The following SH3D21 variants were observed in gnomAD, a reference collection of about 807,000 sequenced individuals.
SH3D21 encodes the protein SH3 domain-containing protein 21.
In SH3D21, 83 loss-of-function variants were observed where a neutral mutation model predicts 82.1. That is an observed-to-expected ratio of 1.01 (90% CI 0.85 to 1.21). The LOEUF (loss-of-function observed/expected upper bound fraction) is 1.21. Among genes scored for constraint, SH3D21 ranks in the 50% most tolerant of loss-of-function variants. The pLI, the probability that SH3D21 is intolerant of heterozygous loss-of-function variation, is 0.00. For synonymous variants in SH3D21, 383 were observed against 387.8 expected (o/e 0.99, Z 0.15); for missense variants, 980 against 962.1 (o/e 1.02, Z -0.25).
intron 12 of SH3D21, 28 bp from the exon 13 acceptor site, chr1:36,319,414 T>C: frequency 6.4e-7 from 1 of 1,551,308 alleles, no homozygotes; most frequent in South Asian, 1.2e-5. Context: ...CAGAGTAGGC[T>C]TGGGTCCCTG....
downstream of SH3D21, chr1:36,322,950 T>C: frequency 6.2e-7 from 1 of 1,606,614 alleles, no homozygotes; most frequent in Non-Finnish European, 8.5e-7. Context: ...AGGCCCCCAG[T>C]CTTCCGGCGC....
At position 36,315,046 on chromosome 1, in the gene SH3D21, G is replaced by T. The variant is rs144531520; in HGVS notation, c.770-4025G>T. On this transcript the variant is annotated intron_variant, in intron 10 of 15. Transcript: ENST00000453908. ...TCCCAGCACTTTGGGAGGCTGAGGCGGGCAGATTGCTTGAGGTCAGGAGTT... is the reference window on the plus strand; with the variant it reads ...TCCCAGCACTTTGGGAGGCTGAGGCTGGCAGATTGCTTGAGGTCAGGAGTT... Among the ~76,000 whole-genome samples, 868 of 152,076 alleles carry T rather than the reference G, an allele frequency of 5.7e-3. 10 individuals carry two copies. The highest frequency in any genetic ancestry group is 0.02 in the African/African-American group (823 of 41,488).
downstream of SH3D21, chr1:36,327,844 C>T: frequency 7.8e-7 from 1 of 1,289,352 alleles, no homozygotes; most frequent in African/African-American, 1.5e-5. Flanking sequence ...ATGTGGCTGT[C>T]CCCATGGTCC....
At chr1:36,327,733 C>T, downstream of SH3D21, 1 of 1,223,802 alleles carries the variant, frequency 8.2e-7, no homozygotes, top group African/African-American at 1.6e-5. Flanking sequence ...CTTGCCGTGG[C>T]CAAGCCAGGC....
rs1434797931 is a variant in SH3D21 at position 36,307,956 on chromosome 1, G to A, written c.531G>A (p.Leu177=). The change falls in exon 7 of 16, where the codon CTG becomes CTA. Residue 177 remains leucine, a synonymous_variant. Coordinates refer to ENST00000453908, the MANE Select transcript of SH3D21 (RefSeq NM_001162530.2). This position sits in a 1 kb window ranked among gnomAD's most constrained non-coding sequence, Gnocchi z 5.4. The part of the protein sequence containing the change: ...SLAYDSPPDY[L]QTVSHPEVYR... ...CCTATGACAGCCCTCCAGACTACCT[G>A]CAGACAGGTGAGCACCCATCCAAAG... 2 of 1,551,692 alleles carry A rather than the reference G, an allele frequency of 1.3e-6. No individual in the cohort carries two copies. Among genetic ancestry groups the A allele is most frequent in the African/African-American group, 1.4e-5 (1 of 73,158 alleles).
chr1:36,319,747 C>G lies in SH3D21; in HGVS notation c.1084C>G (p.Pro362Ala). The G allele has an allele frequency of 6.2e-7, 1 of 1,602,898 alleles. No homozygotes were observed. The highest frequency in any genetic ancestry group is 8.5e-7 in the Non-Finnish European group (1 of 1,175,622). Residue 362 changes from proline (P) to alanine (A), a missense_variant, in exon 14 of 16, where the codon CCA (proline) becomes GCA (alanine). Physicochemically the swap from Pro to Ala is conservative, Grantham distance 27. Coordinates refer to ENST00000453908, the MANE Select transcript of SH3D21 (RefSeq NM_001162530.2). ...CCCCATGCCGGACAAGACTGCCACC[C>G]CAGAGAGGCCCCCAGCTCCAGAGAA... Reference protein sequence around the residue: ...RTPMPDKTATPERPPAPENAP... With the variant: ...RTPMPDKTATAERPPAPENAP...
downstream of SH3D21, chr1:36,323,068 C>T: frequency 6.3e-7 from 1 of 1,593,774 alleles, no homozygotes; most frequent in South Asian, 1.1e-5. Context: ...CCCTACCAGC[C>T]TGCGAGGTCA....
chr1:36,323,104 T>A, downstream of SH3D21: 2 of 1,541,760 alleles, frequency 1.3e-6, no homozygotes, highest in Admixed American at 4.2e-5. Flanking sequence ...TCTCCCAGCC[T>A]GGAGCCCACC....
rs187887959 is a variant in SH3D21, at chr1:36,307,111, C to T, written c.227-56C>T. ...CTACGTGCGCGCCTTGCGCTTCCCC[C>T]AGCTCCTCTGACTGGGGCGTCCGAC... On this transcript the variant is annotated intron_variant, in intron 3 of 15. Transcript: ENST00000453908. The surrounding 1 kb of genome is among the most constrained non-coding windows in gnomAD (Gnocchi z 5.4). The T allele has an allele frequency of 8.4e-6, 13 of 1,546,754 alleles. No homozygotes were observed. In the African/African-American group the frequency reaches 1.2e-4, roughly 15 times the overall value.
rs139491763 is a variant in SH3D21, at chr1:36,320,671, C to T, written c.2008C>T (p.Leu670Phe). The change falls in exon 14 of 16, where the codon CTC (leucine) becomes TTC (phenylalanine). Residue 670 changes from leucine (L) to phenylalanine (F), a missense_variant. Physicochemically the swap from Leu to Phe is conservative, Grantham distance 22. Coordinates refer to ENST00000453908, the MANE Select transcript of SH3D21 (RefSeq NM_001162530.2). ...IKPPPDSQET[L>F]ALPSLVPQNY... Reference sequence around the variant, plus strand: ...GCCGCCTCCAGACTCCCAAGAGACGCTCGCGCTCCCCTCGCTGGTCCCGCA... The same window carrying T: ...GCCGCCTCCAGACTCCCAAGAGACGTTCGCGCTCCCCTCGCTGGTCCCGCA... 2.1e-4 allele frequency: 333 copies of T among 1,614,248 alleles called. No individual in the cohort carries two copies. The highest frequency in any genetic ancestry group is 2.6e-4 in the Non-Finnish European group (307 of 1,180,044).
At chr1:36,317,573 T>C (rs1252916087) in intron 10 of SH3D21, among the ~76,000 whole-genome samples, 1 of 152,128 alleles carries the variant, frequency 6.6e-6, no homozygotes, top group Non-Finnish European at 1.5e-5. Context: ...TTTTGTTTTG[T>C]TTTTTTGAGA....
Position 36,319,182 on chromosome 1 carries a change from G to T in SH3D21, c.863+18G>T, listed in dbSNP as rs1301520251. 5 of 1,550,618 alleles carry T rather than the reference G, an allele frequency of 3.2e-6. No individual in the cohort carries two copies. The Admixed American group carries it at 9.8e-5, about 30-fold the overall frequency. On this transcript the variant is annotated intron_variant, in intron 11 of 15. Transcript: ENST00000453908. Reference sequence around the variant, plus strand: ...AAAGCCAAGTAAGGAGCAGGATGGGGTTGGGGGAAGGAGGAGGGTAGGAGG... The same window carrying T: ...AAAGCCAAGTAAGGAGCAGGATGGGTTTGGGGGAAGGAGGAGGGTAGGAGG...
intron 10 of SH3D21, among the ~76,000 whole-genome samples, chr1:36,317,373 T>C (rs534556601): frequency 6.6e-6 from 1 of 152,284 alleles, no homozygotes; most frequent in East Asian, 1.9e-4. Context: ...ATTTGTGGAT[T>C]TGTATACGTA....
Position 36,313,013 on chromosome 1 carries a change from A to C in SH3D21, c.769+3423A>C, listed in dbSNP as rs182052997. Among the ~76,000 whole-genome samples the C allele has an allele frequency of 9.8e-4, 149 of 151,424 alleles. 1 individual carries two copies. Among genetic ancestry groups the C allele is most frequent in the South Asian group, 7.3e-3 (34 of 4,678 alleles). ...AGATGTGAGCCACCACACCTGGCCT[A>C]TCTGGTGGATCTTATATAAGATGGG... On this transcript the variant is annotated intron_variant, in intron 10 of 15. Coordinates refer to ENST00000453908, the MANE Select transcript of SH3D21 (RefSeq NM_001162530.2).
At chr1:36,312,724 C>G (rs1646264390) in intron 10 of SH3D21, among the ~76,000 whole-genome samples, 1 of 151,990 alleles carries the variant, frequency 6.6e-6, no homozygotes. Context: ...TTTTTACTGT[C>G]TTTTGAGACA....
In SH3D21 at chr1:36,306,642, C is replaced by T; in HGVS notation, c.49C>T (p.Leu17=). The change falls in exon 2 of 16, where the codon CTG becomes TTG. Residue 17 remains leucine, a synonymous_variant. Transcript: ENST00000453908. The surrounding 1 kb of genome is among the most constrained non-coding windows in gnomAD (Gnocchi z 4.5). ...AGYRAQKEDE[L]SLAPGDVVRQ... ...ATACCGCGCGCAGAAGGAGGACGAGCTGAGTCTGGCGCCCGGGGACGTGGT... is the reference window on the plus strand; with the variant it reads ...ATACCGCGCGCAGAAGGAGGACGAGTTGAGTCTGGCGCCCGGGGACGTGGT... 2 of 1,301,838 alleles carry T rather than the reference C, an allele frequency of 1.5e-6. No individual in the cohort carries two copies. The highest frequency in any genetic ancestry group is 2.0e-6 in the Non-Finnish European group (2 of 988,636). 80.6% of individuals were successfully genotyped at this position (1,301,838 alleles called of 1,614,324 possible).
downstream of SH3D21, chr1:36,322,959 G>C (rs1229163628): frequency 2.5e-6 from 4 of 1,606,500 alleles, no homozygotes; most frequent in South Asian, 4.4e-5. Flanking sequence ...GTCTTCCGGC[G>C]CCCGCCCTCA....
chr1:36,322,410 C>T (rs1355662535), downstream of SH3D21: 2 of 1,600,864 alleles, frequency 1.2e-6, no homozygotes. Flanking sequence ...GATCCGTTCG[C>T]GCTCCTCCAG....
At chr1:36,315,095 C>T (rs751449036) in intron 10 of SH3D21, among the ~76,000 whole-genome samples, 5 of 151,840 alleles carry the variant, frequency 3.3e-5, no homozygotes, top group Admixed American at 1.3e-4. Flanking sequence ...ACCAGCATGG[C>T]GAAACCCTGT....
Sources: allele counts gnomAD v4.1 joint callset (sites outside exome capture counted in the v4.1 genomes callset), GRCh38; gene constraint gnomAD v4.1.1; non-coding constraint Gnocchi (gnomAD v3.1); transcripts MANE v1.5; gene names NCBI Gene and HGNC (gene_info 2026-07-23, HGNC 2026-07-21).